The following TASP1 variants were observed in gnomAD, a reference collection of about 807,000 sequenced individuals.
The protein encoded by TASP1 is taspase 1, also known as threonine aspartase 1.
In TASP1, 16 loss-of-function variants were observed where a neutral mutation model predicts 56.6. The observed-to-expected ratio is 0.28, with a 90% confidence interval of 0.19 to 0.43. The LOEUF (loss-of-function observed/expected upper bound fraction) is 0.43. Among genes scored for constraint, TASP1 ranks in the 20% least tolerant of loss-of-function variants. TASP1 has a pLI of 1.00. For synonymous variants in TASP1, 179 were observed against 184.2 expected, an observed-to-expected ratio of 0.97 and a Z score of 0.23; for missense variants, 393 against 511.6, an observed-to-expected ratio of 0.77 and a Z score of 2.24.
chr20:13,500,638 T>C (rs1364317371), intron 10 of TASP1, among the ~76,000 whole-genome samples: 1 of 151,874 alleles, frequency 6.6e-6, no homozygotes, highest in African/African-American at 2.4e-5. Context: ...GAAAATGCAT[T>C]CAGTGGGCTT....
At chr20:13,606,162 CATTACATGTAT>C (rs370257462) in intron 4 of TASP1, among the ~76,000 whole-genome samples, 4 of 151,478 alleles carry the variant, frequency 2.6e-5, no homozygotes, top group African/African-American at 9.7e-5. Context: ...TGTGTAGATG[CATTACATGTAT>C]GTATAAATAC....
chr20:13,597,431 C>A (rs1393052871), intron 4 of TASP1, among the ~76,000 whole-genome samples: 2 of 152,152 alleles, frequency 1.3e-5, no homozygotes, highest in East Asian at 3.9e-4. Context: ...ACAACAAAAA[C>A]CACATGATTA....
downstream of TASP1, chr20:13,389,293 G>C (rs902193879): frequency 6.6e-6 from 1 of 152,088 alleles, no homozygotes; most frequent in Admixed American, 6.5e-5. Flanking sequence ...CTTTAACTGC[G>C]TAACACTGGC....
chr20:13,486,772 T>C (rs1173545975), intron 10 of TASP1, among the ~76,000 whole-genome samples: 1 of 152,184 alleles, frequency 6.6e-6, no homozygotes, highest in Non-Finnish European at 1.5e-5. Flanking sequence ...GACGTAGTCT[T>C]GTCCACTGCC....
the TASP1 span, among the ~76,000 whole-genome samples, chr20:13,284,225 A>G: frequency 1.3e-5 from 2 of 152,214 alleles, no homozygotes; most frequent in African/African-American, 4.8e-5. Context: ...ACTAGTGGCC[A>G]AGTCAAGACC....
chr20:13,382,051 G>A, the TASP1 span, among the ~76,000 whole-genome samples: 1 of 152,108 alleles, frequency 6.6e-6, no homozygotes, highest in Non-Finnish European at 1.5e-5. Context: ...GCTCCTCCTG[G>A]TGAGATAGAG....
At chr20:13,288,698 G>A in the TASP1 span, 38 of 1,608,016 alleles carry the variant, frequency 2.4e-5, no homozygotes, top group African/African-American at 4.3e-4. Flanking sequence ...GTTTACCTGA[G>A]TGTGTAGCTC....
At chr20:13,435,419 T>C (rs997506544) in intron 11 of TASP1, among the ~76,000 whole-genome samples, 1 of 152,076 alleles carries the variant, frequency 6.6e-6, no homozygotes, top group Non-Finnish European at 1.5e-5. Flanking sequence ...CAGAATGGAA[T>C]TGGAAATGCT....
At chr20:13,483,137 G>C in intron 11 of TASP1, 90 bp downstream of exon 11, 1 of 938,802 alleles carries the variant, frequency 1.1e-6, no homozygotes, top group Non-Finnish European at 1.6e-6. Context: ...GGTAGGTCTA[G>C]AAATACAAAT....
intron 4 of TASP1, among the ~76,000 whole-genome samples, chr20:13,616,210 A>C (rs1712324534): frequency 1.3e-5 from 2 of 151,736 alleles, no homozygotes; most frequent in African/African-American, 4.9e-5. Context: ...TCAAAAATCC[A>C]AAAGTCTAAA....
the TASP1 span, among the ~76,000 whole-genome samples, chr20:13,139,767 G>A: frequency 2.6e-3 from 391 of 152,252 alleles, no homozygotes; most frequent in Non-Finnish European, 4.4e-3. Flanking sequence ...TCTTTCCTCC[G>A]ACTTTCTGAT....
At chr20:13,383,754 G>A in the TASP1 span, among the ~76,000 whole-genome samples, 1 of 152,232 alleles carries the variant, frequency 6.6e-6, no homozygotes, top group East Asian at 1.9e-4. Context: ...GCTAAATGCA[G>A]CACACTAGTG....
chr20:13,552,512 TACAG>T (rs1476211884), intron 8 of TASP1, among the ~76,000 whole-genome samples: 2 of 152,138 alleles, frequency 1.3e-5, no homozygotes, highest in East Asian at 3.8e-4. Context: ...GCTCTAGATA[TACAG>T]ACAGAGGAAC....
At chr20:13,276,847 A>T in the TASP1 span, among the ~76,000 whole-genome samples, 1 of 152,202 alleles carries the variant, frequency 6.6e-6, no homozygotes, top group Non-Finnish European at 1.5e-5. Flanking sequence ...AGTCTTTTTA[A>T]TTGGATGCCT....
chr20:13,365,154 C>T, the TASP1 span, among the ~76,000 whole-genome samples: 147 of 152,322 alleles, frequency 9.7e-4, no homozygotes, highest in Non-Finnish European at 1.4e-3. Flanking sequence ...ACAACCTACA[C>T]GTGATTTCAA....
intron 3 of TASP1, among the ~76,000 whole-genome samples, chr20:13,624,074 T>C (rs1288204094): frequency 6.6e-6 from 1 of 152,152 alleles, no homozygotes; most frequent in African/African-American, 2.4e-5. Context: ...TAAAGGTCTA[T>C]AAAATCACCT....
intron 11 of TASP1, among the ~76,000 whole-genome samples, chr20:13,452,590 A>G (rs1024572029): frequency 6.6e-6 from 1 of 152,070 alleles, no homozygotes; most frequent in Non-Finnish European, 1.5e-5. Context: ...TCTACAGGCA[A>G]CTAGACTATC....
intron 11 of TASP1, among the ~76,000 whole-genome samples, chr20:13,450,439 G>A (rs542701195): frequency 1.3e-5 from 2 of 152,194 alleles, no homozygotes; most frequent in African/African-American, 2.4e-5. Context: ...CAAAATTAAA[G>A]TCAGTCCTCT....
rs576231918 is a variant in TASP1, at chr20:13,541,051, G to A, written c.676-6910C>T. The stretch of plus-strand genomic sequence containing the variant: ...GGGAAAACCTGAAAAATATGAATGA[G>A]ATATTAAGAGACATGGCTCAAAGTC... On this transcript the variant is annotated intron_variant, in intron 8 of 13. Coordinates refer to ENST00000337743, the MANE Select transcript of TASP1 (RefSeq NM_017714.3). 2.6e-5 allele frequency among the ~76,000 whole-genome samples: 4 copies of A among 152,234 alleles called. 1 individual carries two copies. The highest frequency in any genetic ancestry group is 9.6e-5 in the African/African-American group (4 of 41,546).
Sources: allele counts gnomAD v4.1 joint callset (sites outside exome capture counted in the v4.1 genomes callset), GRCh38; gene constraint gnomAD v4.1.1; transcripts MANE v1.5; gene names NCBI Gene and HGNC (gene_info 2026-07-23, HGNC 2026-07-21).